Variants in NSD3 observed in about 807,000 individuals in gnomAD.
NSD3 encodes nuclear receptor binding SET domain protein 3, also known as histone-lysine N-methyltransferase NSD3.
Under a neutral mutation model 160.8 loss-of-function variants are expected in NSD3, and 24 were observed. The observed-to-expected ratio is 0.15, with a 90% CI of 0.11 to 0.21. NSD3 has a LOEUF of 0.21. Among genes scored for constraint, NSD3 ranks in the 10% least tolerant of loss-of-function variants. The pLI is 1.00. For synonymous variants in NSD3, 520 were observed against 600.0 expected (o/e 0.87, Z 1.95); for missense variants, 1,157 against 1,735.9 (o/e 0.67, Z 5.93).
rs541764852 is a variant in NSD3 at position 38,274,957 on chromosome 8, A to T, written c.*684T>A. The stretch of plus-strand genomic sequence containing the variant: ...AAGGAAACACACCATATACCCTTCT[A>T]GGTAAAGTTACCATAGTACAAAGCC... On this transcript the variant is annotated 3_prime_UTR_variant, in exon 24 of 24. Coordinates refer to ENST00000317025, the MANE Select transcript of NSD3 (RefSeq NM_023034.2). The T allele has an allele frequency of 1.8e-4, 36 of 203,706 alleles. No homozygotes were observed. The highest frequency in any genetic ancestry group is 2.7e-4 in the Non-Finnish European group (27 of 99,388). 12.6% of individuals were successfully genotyped at this position (203,706 alleles called of 1,614,324 possible).
chr8:38,331,519 C>T lies in NSD3; in HGVS notation c.977G>A (p.Arg326Gln). Residue 326 changes from arginine (R) to glutamine (Q), a missense_variant, in exon 5 of 24, where the codon CGG becomes CAG. Arg to Gln is a conservative substitution (Grantham distance 43). This residue lies in a region of NSD3 where 168 missense variants were observed against 208.1 expected (regional missense o/e 0.81). Coordinates refer to ENST00000317025, the MANE Select transcript of NSD3 (RefSeq NM_023034.2). ...TTTATGACCTTTATACTCTCGTACC[C>T]GTTTTTCATGAACCCACGCCCTCTC... ...QPERAWVHEK[R>Q]VREYKGHKQY... The T allele has an allele frequency of 1.2e-6, 2 of 1,613,958 alleles. No individual in the cohort carries two copies. The highest frequency in any genetic ancestry group is 1.7e-6 in the Non-Finnish European group (2 of 1,179,930).
intron 22 of NSD3, among the ~76,000 whole-genome samples, chr8:38,277,531 C>T (rs576347320): frequency 6.6e-6 from 1 of 152,326 alleles, no homozygotes; most frequent in African/African-American, 2.4e-5. Flanking sequence ...CCGGCCTCAG[C>T]CTCCCAAAGT....
intron 14 of NSD3, chr8:38,303,134 G>C: frequency 1.5e-6 from 1 of 662,592 alleles, no homozygotes; most frequent in Non-Finnish European, 1.9e-6. Flanking sequence ...AGCAATGGTA[G>C]CATAGAGTTT....
intron 16 of NSD3, among the ~76,000 whole-genome samples, chr8:38,293,018 A>G (rs543781161): frequency 4.7e-5 from 7 of 149,650 alleles, no homozygotes; most frequent in Non-Finnish European, 8.9e-5. Flanking sequence ...TGCATCTGTA[A>G]TCCCAGCTAC....
intron 1 of NSD3, among the ~76,000 whole-genome samples, chr8:38,361,750 G>A (rs1328224847): frequency 8.8e-5 from 9 of 101,714 alleles, no homozygotes; most frequent in Admixed American, 2.7e-4. Context: ...GCGAGACTCC[G>A]TCTCAAAAAA....
At chr8:38,342,322 G>C (rs1211447812) in intron 2 of NSD3, among the ~76,000 whole-genome samples, 1 of 152,144 alleles carries the variant, frequency 6.6e-6, no homozygotes, top group African/African-American at 2.4e-5. Context: ...ATTAAGTAGG[G>C]ACAGAGATAC....
chr8:38,303,719 G>A (rs1377008479), intron 14 of NSD3, among the ~76,000 whole-genome samples: 1 of 152,196 alleles, frequency 6.6e-6, no homozygotes, highest in Non-Finnish European at 1.5e-5. Context: ...TGTTCAGTAT[G>A]GTCTAAATAG....
In NSD3 at chr8:38,341,513, G is replaced by A. The variant is rs569681763; in HGVS notation, c.676-2906C>T. On this transcript the variant is annotated intron_variant, in intron 2 of 23. Transcript: ENST00000317025. Reference sequence around the variant, plus strand: ...AGATTACACCAATGGACTGTAACCTGGGTGACAGAGCGAGACTCCGTCTCA... The same window carrying A: ...AGATTACACCAATGGACTGTAACCTAGGTGACAGAGCGAGACTCCGTCTCA... Among the ~76,000 whole-genome samples the A allele has an allele frequency of 9.9e-5, 15 of 151,842 alleles. No homozygotes were observed. In the South Asian group the frequency reaches 2.1e-3, roughly 21 times the overall value.
intron 12 of NSD3, among the ~76,000 whole-genome samples, chr8:38,308,832 A>G (rs1229186336): frequency 6.6e-6 from 1 of 152,156 alleles, no homozygotes; most frequent in Non-Finnish European, 1.5e-5. Flanking sequence ...ATATAAAATA[A>G]GCCTTCATTT....
intron 2 of NSD3, among the ~76,000 whole-genome samples, chr8:38,342,613 G>A (rs887259685): frequency 6.6e-6 from 1 of 151,752 alleles, no homozygotes; most frequent in Non-Finnish European, 1.5e-5. Flanking sequence ...CTGTTGCCAG[G>A]CTGGAGTACA....
chr8:38,297,405 G>A (rs1283435500), intron 15 of NSD3, among the ~76,000 whole-genome samples: 2 of 152,082 alleles, frequency 1.3e-5, no homozygotes, highest in Non-Finnish European at 2.9e-5. Flanking sequence ...AATATTTATT[G>A]AAAAAAATTG....
chr8:38,312,073 ACACC>A (rs1809547612), intron 12 of NSD3, among the ~76,000 whole-genome samples: 1 of 152,158 alleles, frequency 6.6e-6, no homozygotes, highest in African/African-American at 2.4e-5. Flanking sequence ...ACTAGTCTTC[ACACC>A]CTTATCAAAA....
chr8:38,348,917 C>T (rs1236835032), intron 1 of NSD3, among the ~76,000 whole-genome samples: 1 of 152,128 alleles, frequency 6.6e-6, no homozygotes, highest in Non-Finnish European at 1.5e-5. Context: ...CCTCAGCCTC[C>T]CAAAGTGCTA....
At chr8:38,327,381 A>G (rs1389696727) in intron 6 of NSD3, among the ~76,000 whole-genome samples, 1 of 151,816 alleles carries the variant, frequency 6.6e-6, no homozygotes, top group Non-Finnish European at 1.5e-5. Flanking sequence ...TTAAGATGGA[A>G]TCTGGCTCTG....
intron 14 of NSD3, among the ~76,000 whole-genome samples, chr8:38,301,758 C>G (rs913297362): frequency 1.5e-4 from 23 of 152,146 alleles, no homozygotes; most frequent in African/African-American, 5.6e-4. Flanking sequence ...AGTGTTCTCA[C>G]CTGTATACTA....
chr8:38,294,254 C>T (rs946171080), intron 16 of NSD3, among the ~76,000 whole-genome samples: 1 of 152,082 alleles, frequency 6.6e-6, no homozygotes, highest in Non-Finnish European at 1.5e-5. Context: ...CGCCACTATG[C>T]CCAGCTAATT....
chr8:38,305,788 T>G (rs1563348939), intron 12 of NSD3, among the ~76,000 whole-genome samples: 1 of 152,170 alleles, frequency 6.6e-6, no homozygotes, highest in Non-Finnish European at 1.5e-5. Flanking sequence ...GAAAGTCTGA[T>G]TCCATTAGAT....
intron 1 of NSD3, among the ~76,000 whole-genome samples, chr8:38,374,569 C>A (rs1211241825): frequency 1.3e-5 from 2 of 151,850 alleles, no homozygotes; most frequent in African/African-American, 4.8e-5. Flanking sequence ...CCAGCAGAGG[C>A]AACAGAGCCA....
chr8:38,270,764 G>A lies in NSD3; in HGVS notation c.*4877C>T, dbSNP rs965671465. On this transcript the variant is annotated 3_prime_UTR_variant, in exon 24 of 24. Transcript: ENST00000317025. ...TAAGAAAACTAAGGACTGAATAAAT[G>A]ACTTTGGCATCTATTCTATTTTCCC... 2 of 152,174 alleles carry A rather than the reference G, an allele frequency of 1.3e-5. No homozygotes were observed. The highest frequency in any genetic ancestry group is 2.9e-5 in the Non-Finnish European group (2 of 68,036). 9.4% of individuals were successfully genotyped at this position (152,174 alleles called of 1,614,324 possible). A position where few individuals can be genotyped will look rare whatever the true frequency, so the allele number is the denominator to read the frequency against.
Sources: gnomAD v4.1 joint callset for allele counts (sites outside exome capture counted in the v4.1 genomes callset) on GRCh38, gnomAD v4.1.1 for gene constraint, gnomAD v4.1.1 regional missense constraint, MANE v1.5 for transcripts, NCBI Gene and HGNC (gene_info 2026-07-23, HGNC 2026-07-21) for gene names.